The following LRRC4C variants were observed in gnomAD, a reference collection of about 807,000 sequenced individuals.
LRRC4C encodes the protein leucine rich repeat containing 4C, also known as leucine-rich repeat-containing protein 4C.
Under a neutral mutation model 33.6 loss-of-function variants are expected in LRRC4C, and 5 were observed. The observed-to-expected ratio is 0.15, with a 90% CI of 0.08 to 0.31. The LOEUF (loss-of-function observed/expected upper bound fraction) is 0.31, where lower values mean the gene tolerates loss of function less well. LRRC4C is among the 10% of genes least tolerant of loss of function. The pLI, the probability that LRRC4C is intolerant of heterozygous loss-of-function variation, is 1.00. For synonymous variants in LRRC4C, 329 were observed against 302.0 expected, an observed-to-expected ratio of 1.09 and a Z score of -0.93; for missense variants, 560 against 796.7, an observed-to-expected ratio of 0.70 and a Z score of 3.58.
chr11:40,391,320 T>G (rs1230396074), intron 3 of LRRC4C, among the ~76,000 whole-genome samples: 1 of 152,156 alleles, frequency 6.6e-6, no homozygotes, highest in Admixed American at 6.5e-5. Flanking sequence ...CTCACCAGAT[T>G]GATAATTTTC....
intron 1 of LRRC4C, among the ~76,000 whole-genome samples, chr11:41,421,348 T>C (rs1393921698): frequency 1.3e-5 from 2 of 152,050 alleles, no homozygotes; most frequent in Non-Finnish European, 1.5e-5. Context: ...ATAGCAACTG[T>C]TGGTAATTTT....
At chr11:40,421,510 G>A (rs1407680640) in intron 3 of LRRC4C, among the ~76,000 whole-genome samples, 1 of 152,150 alleles carries the variant, frequency 6.6e-6, no homozygotes, top group African/African-American at 2.4e-5. Context: ...AGTTCAAATA[G>A]GCATGGAGAC....
chr11:40,813,676 C>T (rs1263853497), intron 2 of LRRC4C, among the ~76,000 whole-genome samples: 1 of 152,064 alleles, frequency 6.6e-6, no homozygotes, highest in Admixed American at 6.6e-5. Context: ...TCCAATGTCT[C>T]ATCTGCCTAT....
chr11:40,561,400 G>T (rs965848538), intron 3 of LRRC4C, among the ~76,000 whole-genome samples: 1 of 141,390 alleles, frequency 7.1e-6, no homozygotes, highest in Non-Finnish European at 1.5e-5. Flanking sequence ...TCTTTGTTCT[G>T]AGGATTCCTT....
At chr11:41,056,372 A>C (rs1271000909) in intron 1 of LRRC4C, among the ~76,000 whole-genome samples, 1 of 152,234 alleles carries the variant, frequency 6.6e-6, no homozygotes, top group African/African-American at 2.4e-5. Flanking sequence ...TTCATGAGAA[A>C]GACATCAAAA....
chr11:40,775,266 TG>T (rs1431022680), intron 2 of LRRC4C, among the ~76,000 whole-genome samples: 1 of 151,852 alleles, frequency 6.6e-6, no homozygotes, highest in Non-Finnish European at 1.5e-5. Context: ...AAAAATTAGC[TG>T]GGCGTGGTGG....
At position 40,584,788 on chromosome 11, in the gene LRRC4C, C is replaced by G. The variant is rs11035941; in HGVS notation, c.-270+63354G>C. ...CTCTACTAAGAATACAAAAATTAGCCAGGCATGGTGGTGCACACCTGTGGT... is the reference window on the plus strand; with the variant it reads ...CTCTACTAAGAATACAAAAATTAGCGAGGCATGGTGGTGCACACCTGTGGT... On this transcript the variant is annotated intron_variant, in intron 3 of 6. Transcript: ENST00000528697. Among the ~76,000 whole-genome samples, 440 of 151,858 alleles carry G rather than the reference C, an allele frequency of 2.9e-3. 1 individual carries two copies. The highest frequency in any genetic ancestry group is 0.01 in the African/African-American group (421 of 41,440).
intron 4 of LRRC4C, among the ~76,000 whole-genome samples, chr11:40,317,178 G>A (rs1590294649): frequency 6.9e-6 from 1 of 145,864 alleles, no homozygotes; most frequent in African/African-American, 2.5e-5. Context: ...CTAAATTAGG[G>A]TATTTTGTTT....
chr11:40,622,362 C>A (rs369052937), intron 3 of LRRC4C, among the ~76,000 whole-genome samples: 1 of 116,028 alleles, frequency 8.6e-6, no homozygotes, highest in African/African-American at 2.7e-5. Flanking sequence ...ATTTTTATAC[C>A]AAGGATTCTA....
At chr11:40,871,560 T>C (rs1166678140) in intron 2 of LRRC4C, among the ~76,000 whole-genome samples, 4 of 152,100 alleles carry the variant, frequency 2.6e-5, no homozygotes, top group Non-Finnish European at 5.9e-5. Flanking sequence ...CTTGAATGAT[T>C]ACATATCAGG....
intron 1 of LRRC4C, among the ~76,000 whole-genome samples, chr11:41,299,940 T>C (rs939576511): frequency 1.3e-5 from 2 of 152,116 alleles, no homozygotes; most frequent in East Asian, 3.9e-4. Context: ...TCTGGTTCAA[T>C]TAGGTATCAG....
intron 2 of LRRC4C, among the ~76,000 whole-genome samples, chr11:40,679,810 T>G (rs1263719341): frequency 6.6e-6 from 1 of 152,134 alleles, no homozygotes; most frequent in East Asian, 1.9e-4. Context: ...GCTATGGCAG[T>G]GCAGAAGGGA....
intron 2 of LRRC4C, among the ~76,000 whole-genome samples, chr11:40,766,353 T>TAAAAAAAAAAAAAAAAAAA (rs60152534): frequency 3.8e-4 from 13 of 33,914 alleles, no homozygotes; most frequent in African/African-American, 1.2e-3. Context: ...TTCAGTCTGT[T>TAAAAAAAAAAAAAAAAAAA]AAAAAAAAAA....
At position 40,477,896 on chromosome 11, in the gene LRRC4C, G is replaced by C. The variant is rs977037625; in HGVS notation, c.-269-158175C>G. Among the ~76,000 whole-genome samples the C allele has an allele frequency of 3.9e-5, 6 of 152,192 alleles. No individual in the cohort carries two copies. In the East Asian group the frequency reaches 7.7e-4, roughly 20 times the overall value. ...ACGTGTTATGGGAGGGACCCAGTGA[G>C]AGATAACTGAATCATGGGGGCAGGT... On this transcript the variant is annotated intron_variant, in intron 3 of 6. Coordinates refer to ENST00000528697, the MANE Select transcript of LRRC4C (RefSeq NM_001258419.2).
rs5791400 is a variant in LRRC4C, at chr11:40,719,936, T to TA, written c.-406-71659dup. 5.9e-5 allele frequency among the ~76,000 whole-genome samples: 9 copies of TA among 151,580 alleles called. No homozygotes were observed. In the East Asian group the frequency reaches 7.8e-4, roughly 13 times the overall value. Reference sequence around the variant, plus strand: ...AACTATCCAACTTGCTTCCTTTAATTAAAAAAAAAATTTTAATTTGATTTA... The same window carrying TA: ...AACTATCCAACTTGCTTCCTTTAATTAAAAAAAAAAATTTTAATTTGATTTA... On this transcript the variant is annotated intron_variant, in intron 2 of 6. Coordinates refer to ENST00000528697, the MANE Select transcript of LRRC4C (RefSeq NM_001258419.2).
chr11:41,443,702 G>A (rs776293884), intron 1 of LRRC4C, among the ~76,000 whole-genome samples: 21 of 149,882 alleles, frequency 1.4e-4, no homozygotes, highest in Non-Finnish European at 2.8e-4. Flanking sequence ...TGCAACATCC[G>A]CCTACCAGGT....
intron 1 of LRRC4C, among the ~76,000 whole-genome samples, chr11:41,188,915 A>G (rs1486496781): frequency 7.2e-6 from 1 of 139,618 alleles, no homozygotes; most frequent in Non-Finnish European, 1.5e-5. Context: ...CCCCCCCCAA[A>G]AAAAAGTATA....
intron 1 of LRRC4C, among the ~76,000 whole-genome samples, chr11:40,958,988 A>G (rs1272430496): frequency 6.6e-6 from 1 of 151,674 alleles, no homozygotes; most frequent in Non-Finnish European, 1.5e-5. Flanking sequence ...CTGGAGCCAG[A>G]CTGAACCTGA....
chr11:40,478,318 CCT>C (rs1953353901), intron 3 of LRRC4C, among the ~76,000 whole-genome samples: 1 of 152,246 alleles, frequency 6.6e-6, no homozygotes, highest in African/African-American at 2.4e-5. Flanking sequence ...CTTTTAAACA[CCT>C]CTTTTTAATG....
Sources: allele counts gnomAD v4.1 joint callset (sites outside exome capture counted in the v4.1 genomes callset), GRCh38; gene constraint gnomAD v4.1.1; transcripts MANE v1.5; gene names NCBI Gene and HGNC (gene_info 2026-07-23, HGNC 2026-07-21).